ZFAT: variants seen among roughly 807,000 people sequenced by gnomAD.
ZFAT encodes the protein zinc finger and AT-hook domain containing, also known as zinc finger protein ZFAT.
Under a neutral mutation model 117.7 loss-of-function variants are expected in ZFAT, and 64 were observed. The ratio of observed to expected loss-of-function variants is 0.54; its 90% CI spans 0.44 to 0.67. The LOEUF (loss-of-function observed/expected upper bound fraction) is 0.67, where lower values mean the gene tolerates loss of function less well. Ranked by LOEUF, ZFAT falls within the 30% of genes least tolerant of loss-of-function variation. The pLI is 0.00. For missense variants in ZFAT, 1,433 were observed against 1,584.5 expected (o/e 0.90, Z 1.62); for synonymous variants, 679 against 615.0 (o/e 1.10, Z -1.54).
At chr8:134,558,347 C>T (rs1823801275) in intron 11 of ZFAT, among the ~76,000 whole-genome samples, 1 of 152,170 alleles carries the variant, frequency 6.6e-6, no homozygotes, top group African/African-American at 2.4e-5. Context: ...TGGTCTGTTC[C>T]CTCAAAGCAA....
chr8:134,612,173 T>C (rs1477172541), intron 3 of ZFAT, among the ~76,000 whole-genome samples: 1 of 152,180 alleles, frequency 6.6e-6, no homozygotes, highest in Admixed American at 6.5e-5. Flanking sequence ...ATATGACAAA[T>C]GCACAGGGAA....
At chr8:134,707,726 T>C (rs985329670) in intron 1 of ZFAT, among the ~76,000 whole-genome samples, 1 of 152,222 alleles carries the variant, frequency 6.6e-6, no homozygotes, top group South Asian at 2.1e-4. Context: ...CAGCTTCCAC[T>C]GGCATCCTCT....
chr8:134,588,922 CCTT>C (rs919383900), intron 8 of ZFAT, among the ~76,000 whole-genome samples: 1 of 152,136 alleles, frequency 6.6e-6, no homozygotes, highest in African/African-American at 2.4e-5. Flanking sequence ...TGAAAGCAAT[CCTT>C]ATTATTTGGA....
the ZFAT span, among the ~76,000 whole-genome samples, chr8:134,798,990 A>G: frequency 6.6e-6 from 1 of 152,196 alleles, no homozygotes; most frequent in African/African-American, 2.4e-5. Flanking sequence ...AAAGTACTAT[A>G]AATTATAAAA....
rs1219491536 is a variant in ZFAT, at chr8:134,602,286, T to C, written c.1433A>G (p.Lys478Arg). 2 of 1,613,792 alleles carry C rather than the reference T, an allele frequency of 1.2e-6. No homozygotes were observed. Among genetic ancestry groups the C allele is most frequent in the African/African-American group, 2.7e-5 (2 of 74,944 alleles). ...CTCCTGGGCAGCCCCGTGCACCTCT[T>C]TGATGTGGGTGCGCAGCCTGATGGA... ...VSSIRLRTHI[K>R]EVHGAAQEAL... is the part of the protein sequence containing the mutation. Residue 478 changes from lysine to arginine, a missense_variant, in exon 6 of 16, where the codon AAA becomes AGA. Lys to Arg is a conservative substitution (Grantham distance 26). This residue lies in a region of ZFAT where 372 missense variants were observed against 355.6 expected (regional missense o/e 1.05). Transcript: ENST00000377838.
the ZFAT span, among the ~76,000 whole-genome samples, chr8:134,730,312 A>C: frequency 1.2e-4 from 18 of 152,314 alleles, no homozygotes; most frequent in South Asian, 3.5e-3. Context: ...TATCTGCATC[A>C]ACCTCGACAT....
At chr8:134,727,503 T>C in the ZFAT span, among the ~76,000 whole-genome samples, 1 of 152,202 alleles carries the variant, frequency 6.6e-6, no homozygotes, top group East Asian at 1.9e-4. Flanking sequence ...GAACTGCCCT[T>C]TTGGGATTTC....
the ZFAT span, among the ~76,000 whole-genome samples, chr8:134,787,911 A>C: frequency 6.6e-6 from 1 of 152,110 alleles, no homozygotes; most frequent in Non-Finnish European, 1.5e-5. Flanking sequence ...TAGAAATACA[A>C]TTTCTGTATA....
the ZFAT span, among the ~76,000 whole-genome samples, chr8:134,732,883 A>T: frequency 2.6e-5 from 4 of 152,186 alleles, no homozygotes; most frequent in African/African-American, 9.7e-5. Context: ...GGATCCTATA[A>T]TGGTGGGTAC....
At chr8:134,682,118 A>G (rs1833099845) in intron 1 of ZFAT, among the ~76,000 whole-genome samples, 1 of 152,226 alleles carries the variant, frequency 6.6e-6, no homozygotes, top group Non-Finnish European at 1.5e-5. Context: ...AAGGGAGGTT[A>G]AATTAAACCC....
At chr8:134,775,539 G>A in the ZFAT span, among the ~76,000 whole-genome samples, 84 of 152,172 alleles carry the variant, frequency 5.5e-4, no homozygotes, top group Admixed American at 2.2e-3. Context: ...CTGAACTTTC[G>A]ACTTTTGTAC....
At chr8:134,638,432 G>T (rs555203833) in intron 2 of ZFAT, among the ~76,000 whole-genome samples, 1 of 151,870 alleles carries the variant, frequency 6.6e-6, no homozygotes, top group African/African-American at 2.4e-5. Context: ...GGGGCCAGGC[G>T]CGGTGGCTCA....
At chr8:134,776,088 C>A in the ZFAT span, among the ~76,000 whole-genome samples, 2 of 152,194 alleles carry the variant, frequency 1.3e-5, no homozygotes, top group East Asian at 3.8e-4. Context: ...AATTTCCAAC[C>A]TGTAAGTCCT....
rs542661272 is a variant in ZFAT, at chr8:134,546,443, A to G, written c.2977-13471T>C. ...ATCCCCTAAAATGCAAGCTAGCACC[A>G]AGTCACCCTGAGAAGTGTGTAGCTG... On this transcript the variant is annotated intron_variant, in intron 11 of 15. Coordinates refer to ENST00000377838, the MANE Select transcript of ZFAT (RefSeq NM_020863.4). Among the ~76,000 whole-genome samples the G allele has an allele frequency of 8.5e-4, 129 of 152,308 alleles. 1 individual carries two copies. The highest frequency in any genetic ancestry group is 7.3e-3 in the South Asian group (35 of 4,822).
chr8:134,643,953 G>T (rs1425361915), intron 2 of ZFAT, among the ~76,000 whole-genome samples: 2 of 152,200 alleles, frequency 1.3e-5, no homozygotes, highest in Non-Finnish European at 2.9e-5. Flanking sequence ...ATTCGTACAT[G>T]CACTCAGAAT....
intron 3 of ZFAT, among the ~76,000 whole-genome samples, chr8:134,621,514 C>T (rs1157865965): frequency 6.6e-6 from 1 of 152,134 alleles, no homozygotes; most frequent in Non-Finnish European, 1.5e-5. Context: ...TATAAATGTG[C>T]TCTTCCAGAA....
the ZFAT span, among the ~76,000 whole-genome samples, chr8:134,749,854 T>G: frequency 1.3e-5 from 2 of 152,244 alleles, no homozygotes; most frequent in Non-Finnish European, 1.5e-5. Context: ...CCCCTCATTT[T>G]CTATACTCTA....
In ZFAT at chr8:134,601,858, T is replaced by C; in HGVS notation, c.1861A>G (p.Arg621Gly). Residue 621 changes from arginine to glycine, a missense_variant, in exon 6 of 16, where the codon AGA (arginine) becomes GGA (glycine). Arg to Gly is a moderately radical substitution (Grantham distance 125). This residue lies in a region of ZFAT where 372 missense variants were observed against 355.6 expected (regional missense o/e 1.05). Transcript: ENST00000377838. ...TCACCTTGCGTCTGGACTGAGCTTC[T>C]GTGCTGCATGTCTGGGGGCTTCTCA... Reference protein sequence around the residue: ...APEKPPDMQHRSSVQTQGEVI... With the variant: ...APEKPPDMQHGSSVQTQGEVI... 1 of 1,612,554 alleles carries C rather than the reference T, an allele frequency of 6.2e-7. No homozygotes were observed. The highest frequency in any genetic ancestry group is 2.2e-5 in the East Asian group (1 of 44,828).
chr8:134,669,246 A>G (rs1277856477), intron 1 of ZFAT, among the ~76,000 whole-genome samples: 1 of 152,228 alleles, frequency 6.6e-6, no homozygotes, highest in Non-Finnish European at 1.5e-5. Flanking sequence ...CAGGAAATAC[A>G]GAGAATGCCA....
Sources: gnomAD v4.1 joint callset for allele counts (sites outside exome capture counted in the v4.1 genomes callset) on GRCh38, gnomAD v4.1.1 for gene constraint, gnomAD v4.1.1 regional missense constraint, MANE v1.5 for transcripts, NCBI Gene and HGNC (gene_info 2026-07-23, HGNC 2026-07-21) for gene names.